PIWIL4: variants seen among roughly 807,000 people sequenced by gnomAD.
The protein encoded by PIWIL4 is piwi-like protein 4.
A neutral mutation model predicts 100.9 loss-of-function variants in PIWIL4; 50 were observed. The ratio of observed to expected loss-of-function variants is 0.50; its 90% CI spans 0.39 to 0.63. The LOEUF (loss-of-function observed/expected upper bound fraction) is 0.63, where lower values mean the gene tolerates loss of function less well. Among genes scored for constraint, PIWIL4 ranks in the 20% least tolerant of loss-of-function variants. The pLI is 0.00. For synonymous variants in PIWIL4, 342 were observed against 367.5 expected, an observed-to-expected ratio of 0.93 and a Z score of 0.79; for missense variants, 887 against 1,043.3, an observed-to-expected ratio of 0.85 and a Z score of 2.06.
intron 13 of PIWIL4, among the ~76,000 whole-genome samples, chr11:94,604,439 C>G (rs569887407): frequency 6.6e-6 from 1 of 152,178 alleles, no homozygotes; most frequent in Non-Finnish European, 1.5e-5. Context: ...GACCTATGGC[C>G]CCAAATTCCT....
At chr11:94,580,233 T>C (rs1196953065) in intron 4 of PIWIL4, among the ~76,000 whole-genome samples, 4 of 152,210 alleles carry the variant, frequency 2.6e-5, no homozygotes, top group Non-Finnish European at 5.9e-5. Flanking sequence ...TATAAACATA[T>C]GACCTGTCAC....
Position 94,620,893 on chromosome 11 carries a change from A to G in PIWIL4, c.2460A>G (p.Pro820=), listed in dbSNP as rs1948898368. ...YYNWPGIVSV[P]APCQYAHKLT... Reference sequence around the variant, plus strand: ...CTCCTCAGGGCATAGTCAGTGTCCCAGCACCATGTCAGTATGCTCACAAGC... The same window carrying G: ...CTCCTCAGGGCATAGTCAGTGTCCCGGCACCATGTCAGTATGCTCACAAGC... Residue 820 remains proline (P), a synonymous_variant, in exon 20 of 20, where the codon CCA becomes CCG. Coordinates refer to ENST00000299001, the MANE Select transcript of PIWIL4 (RefSeq NM_152431.3). 6.2e-7 allele frequency: 1 copy of G among 1,613,840 alleles called. No homozygotes were observed. The highest frequency in any genetic ancestry group is 8.5e-7 in the Non-Finnish European group (1 of 1,179,806).
intron 11 of PIWIL4, 151 bp from the exon 12 acceptor site, chr11:94,601,644 C>A: frequency 1.4e-6 from 1 of 733,352 alleles, no homozygotes; most frequent in South Asian, 1.7e-5. Flanking sequence ...GTATTCTGTT[C>A]GGATGTGCAG....
At chr11:94,609,272 T>C (rs1948761888) in intron 15 of PIWIL4, among the ~76,000 whole-genome samples, 1 of 152,218 alleles carries the variant, frequency 6.6e-6, no homozygotes, top group Non-Finnish European at 1.5e-5. Context: ...TTTGCAGACA[T>C]TTGACGTGGC....
At chr11:94,578,187 A>G (rs1334561644) in intron 4 of PIWIL4, among the ~76,000 whole-genome samples, 1 of 152,066 alleles carries the variant, frequency 6.6e-6, no homozygotes, top group African/African-American at 2.4e-5. Flanking sequence ...TGTCTTCAGG[A>G]TCGTACTGGT....
chr11:94,589,487 AT>A (rs1318296036), intron 8 of PIWIL4, among the ~76,000 whole-genome samples: 1 of 152,020 alleles, frequency 6.6e-6, no homozygotes, highest in Non-Finnish European at 1.5e-5. Flanking sequence ...ACGCTAATAC[AT>A]TTCCATGTCT....
intron 14 of PIWIL4, chr11:94,608,122 C>T: frequency 5.6e-6 from 1 of 178,160 alleles, no homozygotes; most frequent in Non-Finnish European, 1.2e-5. Context: ...CATTTCCTTA[C>T]ATGTCCATAA....
At chr11:94,595,574 AT>A in intron 10 of PIWIL4, 148 bp downstream of exon 10, 1 of 639,680 alleles carries the variant, frequency 1.6e-6, no homozygotes, top group Non-Finnish European at 2.6e-6. Flanking sequence ...ACAGCCCTTC[AT>A]CTGAGATGTC....
At chr11:94,617,809 T>C in intron 16 of PIWIL4, 145 bp from the exon 17 acceptor site, 1 of 773,206 alleles carries the variant, frequency 1.3e-6, no homozygotes, top group African/African-American at 1.7e-5. Flanking sequence ...GTTATATTCT[T>C]GCAAATATAA....
Position 94,620,858 on chromosome 11 carries a change from A to G in PIWIL4, c.2443-18A>G. On this transcript the variant is annotated intron_variant, in intron 19 of 19. Coordinates refer to ENST00000299001, the MANE Select transcript of PIWIL4 (RefSeq NM_152431.3). ...CAAGGTAATCTCTTAATTATTATCA[A>G]TACTTTTTTCTCCTCAGGGCATAGT... 3.2e-6 allele frequency: 5 copies of G among 1,572,174 alleles called. No individual in the cohort carries two copies. The highest frequency in any genetic ancestry group is 4.4e-6 in the Non-Finnish European group (5 of 1,143,416).
At chr11:94,611,718 C>G (rs1033394201) in intron 15 of PIWIL4, among the ~76,000 whole-genome samples, 1 of 151,494 alleles carries the variant, frequency 6.6e-6, no homozygotes, top group African/African-American at 2.5e-5. Flanking sequence ...CCTGGCATGT[C>G]TCTTGATCTC....
intron 4 of PIWIL4, 124 bp from the exon 5 acceptor site, chr11:94,583,324 C>A: frequency 9.5e-7 from 1 of 1,048,258 alleles, no homozygotes; most frequent in Non-Finnish European, 1.4e-6. Context: ...TAGATTATTA[C>A]TCATACTAAC....
intron 2 of PIWIL4, among the ~76,000 whole-genome samples, chr11:94,569,442 A>G (rs1948118041): frequency 6.6e-6 from 1 of 152,012 alleles, no homozygotes; most frequent in Non-Finnish European, 1.5e-5. Flanking sequence ...GCAATGGCGC[A>G]ATCTCAGCTC....
intron 12 of PIWIL4, 144 bp from the exon 13 acceptor site, chr11:94,603,840 G>T: frequency 1.8e-6 from 1 of 544,326 alleles, no homozygotes; most frequent in Non-Finnish European, 3.2e-6. Flanking sequence ...AACAATTTTA[G>T]ACTCAAAAGG....
intron 8 of PIWIL4, 149 bp downstream of exon 8, chr11:94,589,381 C>T (rs1948449970): frequency 7.8e-6 from 5 of 642,422 alleles, no homozygotes; most frequent in Admixed American, 2.8e-5. Context: ...TCCCCACCCT[C>T]CCAGTCTCCT....
intron 14 of PIWIL4, 42 bp from the exon 15 acceptor site, chr11:94,608,541 G>T: frequency 2.6e-6 from 4 of 1,535,592 alleles, no homozygotes; most frequent in Non-Finnish European, 3.6e-6. Flanking sequence ...TAGGGGAAAT[G>T]ATACCTCATC....
chr11:94,590,004 T>C (rs1948461114), intron 8 of PIWIL4, among the ~76,000 whole-genome samples: 2 of 152,266 alleles, frequency 1.3e-5, no homozygotes, highest in South Asian at 4.1e-4. Flanking sequence ...ACCCCTCATC[T>C]TCCATGTTCA....
chr11:94,577,559 AC>A, intron 4 of PIWIL4, 67 bp downstream of exon 4: 2 of 1,227,856 alleles, frequency 1.6e-6, no homozygotes, highest in Non-Finnish European at 2.2e-6. Context: ...ATACACACAC[AC>A]ATATATATGC....
intron 8 of PIWIL4, among the ~76,000 whole-genome samples, chr11:94,591,321 C>T (rs1948482867): frequency 6.6e-6 from 1 of 152,206 alleles, no homozygotes; most frequent in African/African-American, 2.4e-5. Flanking sequence ...CTCCTTTACC[C>T]CTAGGTCAAA....
Sources: gnomAD v4.1 joint callset for allele counts (sites outside exome capture counted in the v4.1 genomes callset) on GRCh38, gnomAD v4.1.1 for gene constraint, MANE v1.5 for transcripts, NCBI Gene and HGNC (gene_info 2026-07-23, HGNC 2026-07-21) for gene names.